Variants in PARG observed in about 807,000 individuals in gnomAD.
PARG encodes poly(ADP-ribose) glycohydrolase, also known as mitochondrial poly(ADP-ribose) glycohydrolase.
A neutral mutation model predicts 113.0 loss-of-function variants in PARG; 35 were observed. The ratio of observed to expected loss-of-function variants is 0.31; its 90% CI spans 0.24 to 0.41. PARG has a LOEUF of 0.41. Among genes scored for constraint, PARG ranks in the 10% least tolerant of loss-of-function variants. The pLI, the probability that PARG is intolerant of heterozygous loss-of-function variation, is 1.00. For missense variants in PARG, 797 were observed against 1,169.4 expected, an observed-to-expected ratio of 0.68 and a Z score of 4.64; for synonymous variants, 330 against 409.9, an observed-to-expected ratio of 0.81 and a Z score of 2.36.
intron 7 of PARG, among the ~76,000 whole-genome samples, chr10:49,912,405 C>G (rs1350454669): frequency 6.6e-6 from 1 of 152,204 alleles, no homozygotes; most frequent in African/African-American, 2.4e-5. Context: ...TGGCTCATGC[C>G]TGTAATCCCA....
At chr10:49,894,514 G>T (rs1196842810) in intron 7 of PARG, among the ~76,000 whole-genome samples, 1 of 152,014 alleles carries the variant, frequency 6.6e-6, no homozygotes. Context: ...TATAGTTTTT[G>T]CTTTTTCAGT....
intron 3 of PARG, among the ~76,000 whole-genome samples, chr10:49,932,968 G>T (rs1372879333): frequency 1.3e-5 from 2 of 152,082 alleles, no homozygotes; most frequent in Admixed American, 1.3e-4. Context: ...CTAAAAATCT[G>T]ATTTCTAATA....
chr10:49,910,342 G>A (rs1476629783), intron 7 of PARG, among the ~76,000 whole-genome samples: 1 of 152,198 alleles, frequency 6.6e-6, no homozygotes, highest in Non-Finnish European at 1.5e-5. Flanking sequence ...AAGACTTTAT[G>A]CTATATATCT....
At position 49,921,945 on chromosome 10, in the gene PARG, T is replaced by C. The variant is rs1837896959; in HGVS notation, c.1662+391A>G. Reference sequence around the variant, plus strand: ...CCAGAATGCTTAACATATACTTTAATCATTGGGAAACTCAGCTTCCCTTTG... The same window carrying C: ...CCAGAATGCTTAACATATACTTTAACCATTGGGAAACTCAGCTTCCCTTTG... On this transcript the variant is annotated intron_variant, in intron 6 of 17. Transcript: ENST00000616448. Among the ~76,000 whole-genome samples the C allele has an allele frequency of 3.3e-5, 5 of 152,310 alleles. No individual in the cohort carries two copies. The South Asian group carries it at 1.0e-3, about 32-fold the overall frequency.
At chr10:49,843,685 C>G in intron 13 of PARG, 53 bp from the exon 14 acceptor site, 1 of 1,177,120 alleles carries the variant, frequency 8.5e-7, no homozygotes, top group Non-Finnish European at 1.2e-6. Flanking sequence ...CAAAAACATT[C>G]CACCTTTCAT....
chr10:49,829,027 G>A (rs781911873), intron 16 of PARG, among the ~76,000 whole-genome samples: 28 of 152,136 alleles, frequency 1.8e-4, no homozygotes, highest in Non-Finnish European at 4.0e-4. Context: ...ATTAGGTCAG[G>A]AGTTCGAGAC....
chr10:49,902,550 T>G (rs114848741), intron 7 of PARG, among the ~76,000 whole-genome samples: 693 of 152,218 alleles, frequency 4.6e-3, no homozygotes, highest in East Asian at 0.019. Context: ...TTCTAGTCAT[T>G]TATTGCTACT....
chr10:49,858,420 A>T (rs1436255825), intron 12 of PARG, among the ~76,000 whole-genome samples: 1 of 144,452 alleles, frequency 6.9e-6, no homozygotes, highest in Non-Finnish European at 1.5e-5. Flanking sequence ...GGATTTACTA[A>T]ATACCATGAG....
intron 14 of PARG, among the ~76,000 whole-genome samples, chr10:49,843,175 C>T (rs1313536175): frequency 2.0e-5 from 3 of 152,210 alleles, no homozygotes; most frequent in Non-Finnish European, 4.4e-5. Flanking sequence ...CACCTAATTT[C>T]ACAGAAAAAT....
intron 12 of PARG, among the ~76,000 whole-genome samples, chr10:49,860,243 A>G (rs1337908880): frequency 1.6e-4 from 24 of 152,038 alleles, no homozygotes; most frequent in African/African-American, 5.6e-4. Context: ...GAGGATCTCA[A>G]CCTTAACTGT....
chr10:49,822,692 G>C (rs1329969727), intron 16 of PARG, among the ~76,000 whole-genome samples: 1 of 152,028 alleles, frequency 6.6e-6, no homozygotes, highest in Non-Finnish European at 1.5e-5. Flanking sequence ...TTACAAGAGA[G>C]GAAAAAAATC....
chr10:49,932,175 C>T lies in PARG; in HGVS notation c.1380G>A (p.Glu460=), dbSNP rs1311173693. The change falls in exon 4 of 18, where the codon GAG becomes GAA. Residue 460 remains glutamate, a synonymous_variant. Coordinates refer to ENST00000616448, the MANE Select transcript of PARG (RefSeq NM_003631.5). ...DKKWLGTPIE[E]MRRMPRCGIR... ...TCCCACACCGAGGCATTCTTCTCAT[C>T]TCCTCAATGGGAGTTCCAAGCCACT... The T allele has an allele frequency of 6.2e-7, 1 of 1,605,786 alleles. No individual in the cohort carries two copies. Among genetic ancestry groups the T allele is most frequent in the African/African-American group, 1.3e-5 (1 of 74,812 alleles).
intron 6 of PARG, among the ~76,000 whole-genome samples, chr10:49,917,141 T>A (rs1247514117): frequency 4.6e-5 from 7 of 150,926 alleles, no homozygotes; most frequent in Non-Finnish European, 8.9e-5. Flanking sequence ...CCAGAAAGAG[T>A]GAAAGAGTCT....
chr10:49,867,370 T>C (rs1394555961), intron 10 of PARG: 1 of 147,126 alleles, frequency 6.8e-6, no homozygotes, highest in African/African-American at 2.5e-5. Flanking sequence ...ACCAGCCTTG[T>C]GGGTCATGTC....
rs1159945460 is a variant in PARG, at chr10:49,929,401, C to A, written c.1455+2699G>T. On this transcript the variant is annotated intron_variant, in intron 4 of 17. Coordinates refer to ENST00000616448, the MANE Select transcript of PARG (RefSeq NM_003631.5). Reference sequence around the variant, plus strand: ...TCAATTTTACCTCATAATAATGCAACCTTCTATTTTCTTTTTTATCCCCAT... The same window carrying A: ...TCAATTTTACCTCATAATAATGCAAACTTCTATTTTCTTTTTTATCCCCAT... Among the ~76,000 whole-genome samples, 7 of 151,898 alleles carry A rather than the reference C, an allele frequency of 4.6e-5. No homozygotes were observed. In the South Asian group the frequency reaches 1.3e-3, roughly 27 times the overall value.
chr10:49,920,473 T>A (rs1464221704), intron 6 of PARG, among the ~76,000 whole-genome samples: 1,259 of 81,452 alleles, frequency 0.015, 14 homozygotes, highest in East Asian at 0.039. Context: ...AATATATATA[T>A]ATATATATAT....
intron 13 of PARG, among the ~76,000 whole-genome samples, chr10:49,852,591 G>C (rs1845805716): frequency 1.4e-5 from 2 of 145,692 alleles, no homozygotes; most frequent in Non-Finnish European, 3.0e-5. Flanking sequence ...TTGAGACGGA[G>C]TCTCACTCTG....
At chr10:49,922,289 G>A in intron 6 of PARG, 47 bp downstream of exon 6, 2 of 1,556,882 alleles carry the variant, frequency 1.3e-6, no homozygotes, top group Non-Finnish European at 1.7e-6. Flanking sequence ...CTTTGAAAGA[G>A]GAGACACAGG....
intron 7 of PARG, among the ~76,000 whole-genome samples, chr10:49,913,811 G>A (rs1364285177): frequency 6.6e-6 from 1 of 152,168 alleles, no homozygotes; most frequent in Non-Finnish European, 1.5e-5. Flanking sequence ...GCTGAGGCAA[G>A]AGAATCGCTT....
Sources: allele counts gnomAD v4.1 joint callset (sites outside exome capture counted in the v4.1 genomes callset), GRCh38; gene constraint gnomAD v4.1.1; transcripts MANE v1.5; gene names NCBI Gene and HGNC (gene_info 2026-07-23, HGNC 2026-07-21).